The following FBLN7 variants were observed in gnomAD, a reference collection of about 807,000 sequenced individuals.
FBLN7 encodes the protein fibulin-7.
A neutral mutation model predicts 44.0 loss-of-function variants in FBLN7; 31 were observed. The observed-to-expected ratio is 0.70, with a 90% CI of 0.53 to 0.95. The LOEUF (loss-of-function observed/expected upper bound fraction) is 0.95, where lower values mean the gene tolerates loss of function less well. Ranked by LOEUF, FBLN7 falls within the 40% of genes least tolerant of loss-of-function variation. The pLI, the probability that FBLN7 is intolerant of heterozygous loss-of-function variation, is 0.00. For missense variants in FBLN7, 573 were observed against 618.5 expected (o/e 0.93, Z 0.78); for synonymous variants, 262 against 253.4 (o/e 1.03, Z -0.32).
At chr2:112,183,910 A>G (rs1683122121) in intron 6 of FBLN7, among the ~76,000 whole-genome samples, 1 of 152,196 alleles carries the variant, frequency 6.6e-6, no homozygotes, top group Admixed American at 6.5e-5. Flanking sequence ...AACAGTCACC[A>G]TCATCACTAC....
the FBLN7 span, among the ~76,000 whole-genome samples, chr2:112,201,622 T>C: frequency 6.9e-6 from 1 of 144,586 alleles, no homozygotes; most frequent in African/African-American, 2.6e-5. Flanking sequence ...CCAGGGGAGG[T>C]TGGGCAGGTT....
chr2:112,213,071 G>C, the FBLN7 span: 1 of 149,954 alleles, frequency 6.7e-6, no homozygotes, highest in African/African-American at 2.5e-5. Flanking sequence ...ATGGGCTCCA[G>C]TGATCCTCTT....
At chr2:112,160,740 ACACACGCGCACG>A (rs1366645538) in intron 2 of FBLN7, among the ~76,000 whole-genome samples, 1 of 40,916 alleles carries the variant, frequency 2.4e-5, no homozygotes, top group Non-Finnish European at 5.1e-5. Context: ...ACGCACACGC[ACACACGCGCACG>A]CACACACGCA....
At chr2:112,237,595 G>C in the FBLN7 span, among the ~76,000 whole-genome samples, 2 of 127,540 alleles carry the variant, frequency 1.6e-5, no homozygotes, top group East Asian at 4.5e-4. Flanking sequence ...TTTTTTTTTT[G>C]AGACAGAGTC....
At chr2:112,207,122 A>G in the FBLN7 span, among the ~76,000 whole-genome samples, 5 of 152,168 alleles carry the variant, frequency 3.3e-5, no homozygotes, top group African/African-American at 4.8e-5. Flanking sequence ...GTTTTATTTT[A>G]TGACCCAAGA....
At chr2:112,143,096 C>CT in intron 1 of FBLN7, among the ~76,000 whole-genome samples, 1 of 152,288 alleles carries the variant, frequency 6.6e-6, no homozygotes, top group Non-Finnish European at 1.5e-5. Flanking sequence ...CTGTGTCCCT[C>CT]TTGTCAGCGC....
At chr2:112,166,302 C>A (rs181201764) in intron 3 of FBLN7, among the ~76,000 whole-genome samples, 9 of 152,170 alleles carry the variant, frequency 5.9e-5, no homozygotes, top group African/African-American at 2.2e-4. Flanking sequence ...CTGCCTGCCT[C>A]GGCCTCCCAA....
chr2:112,198,296 A>G, the FBLN7 span, among the ~76,000 whole-genome samples: 2 of 152,144 alleles, frequency 1.3e-5, no homozygotes, highest in African/African-American at 4.8e-5. Context: ...GGAGGTGATT[A>G]GTTTATAAAA....
the FBLN7 span, among the ~76,000 whole-genome samples, chr2:112,194,480 C>G: frequency 6.6e-6 from 1 of 152,148 alleles, no homozygotes; most frequent in Non-Finnish European, 1.5e-5. Context: ...GCTTCTAACA[C>G]AGTGGCTCGT....
chr2:112,173,969 G>A (rs1359802483), intron 3 of FBLN7, among the ~76,000 whole-genome samples: 3 of 152,224 alleles, frequency 2.0e-5, no homozygotes, highest in African/African-American at 4.8e-5. Context: ...CTGCTGCACC[G>A]ATGATCCCCA....
chr2:112,230,961 A>C, the FBLN7 span: 1 of 1,238,378 alleles, frequency 8.1e-7, no homozygotes, highest in South Asian at 1.5e-5. Context: ...CTAATATAAA[A>C]AAAAAATCAC....
intron 1 of FBLN7, among the ~76,000 whole-genome samples, chr2:112,150,154 T>C (rs1488571166): frequency 6.6e-6 from 1 of 152,164 alleles, no homozygotes; most frequent in Non-Finnish European, 1.5e-5. Context: ...CCTCTGGACC[T>C]TAGATGGAAG....
At chr2:112,159,620 C>G (rs558943225) in intron 1 of FBLN7, 56 bp from the exon 2 acceptor site, 2 of 1,430,280 alleles carry the variant, frequency 1.4e-6, no homozygotes. Context: ...CTCAGACAAG[C>G]ATGTGGGACT....
chr2:112,236,243 G>C, the FBLN7 span, among the ~76,000 whole-genome samples: 2 of 152,140 alleles, frequency 1.3e-5, no homozygotes, highest in African/African-American at 2.4e-5. Context: ...TACAAGGCGA[G>C]ACTCTGTCTC....
chr2:112,162,907 G>A (rs1464576769), intron 2 of FBLN7, among the ~76,000 whole-genome samples: 1 of 152,008 alleles, frequency 6.6e-6, no homozygotes, highest in East Asian at 1.9e-4. Flanking sequence ...ACGCAATAAA[G>A]TACTAGATGT....
chr2:112,181,708 G>A, intron 4 of FBLN7, 31 bp from the exon 5 acceptor site: 1 of 1,365,586 alleles, frequency 7.3e-7, no homozygotes, highest in Non-Finnish European at 9.4e-7. Context: ...GTGCGCCAGG[G>A]CCCGGCACTG....
At chr2:112,222,667 T>TA in the FBLN7 span, among the ~76,000 whole-genome samples, 2 of 151,976 alleles carry the variant, frequency 1.3e-5, no homozygotes, top group Admixed American at 6.5e-5. Flanking sequence ...TTATATGAGA[T>TA]AAAAAAAGGA....
chr2:112,140,744 A>C (rs575771241), intron 1 of FBLN7, among the ~76,000 whole-genome samples: 1 of 152,216 alleles, frequency 6.6e-6, no homozygotes, highest in Admixed American at 6.5e-5. Flanking sequence ...CAGAACACTC[A>C]CGGGACTTTC....
the FBLN7 span, among the ~76,000 whole-genome samples, chr2:112,229,513 G>C: frequency 2.0e-5 from 3 of 152,158 alleles, no homozygotes; most frequent in African/African-American, 7.2e-5. Flanking sequence ...GCCCTCTTGA[G>C]TTTCTGCCAA....
Sources: gnomAD v4.1 joint callset for allele counts (sites outside exome capture counted in the v4.1 genomes callset) on GRCh38, gnomAD v4.1.1 for gene constraint, MANE v1.5 for transcripts, NCBI Gene and HGNC (gene_info 2026-07-23, HGNC 2026-07-21) for gene names.